The following CTNNA3 variants were observed in gnomAD, a reference collection of about 807,000 sequenced individuals.
CTNNA3 encodes catenin alpha-3.
CTNNA3 carries 76 observed loss-of-function variants against 95.7 expected under a neutral mutation model. That is an observed-to-expected ratio of 0.79 (90% CI 0.66 to 0.96). The LOEUF (loss-of-function observed/expected upper bound fraction) is 0.96, where lower values mean the gene tolerates loss of function less well. CTNNA3 is among the 40% of genes least tolerant of loss of function. The pLI is 0.00. For synonymous variants in CTNNA3, 431 were observed against 374.4 expected (o/e 1.15, Z -1.74); for missense variants, 1,191 against 1,089.8 (o/e 1.09, Z -1.31).
rs74670783 is a variant in CTNNA3 at position 66,295,760 on chromosome 10, G to A, written c.1733-15139C>T. Among the ~76,000 whole-genome samples, 379 of 152,180 alleles carry A rather than the reference G, an allele frequency of 2.5e-3. 3 individuals are homozygous for A. Among genetic ancestry groups the A allele is most frequent in the African/African-American group, 8.7e-3 (362 of 41,536 alleles). ...TAGCAGGTCACATATCTTAGTTACC[G>A]CTCAGGAAATAACCTGTCAGCACAT... On this transcript the variant is annotated intron_variant, in intron 12 of 17. Transcript: ENST00000433211.
intron 3 of CTNNA3, among the ~76,000 whole-genome samples, chr10:67,562,398 T>C (rs1281241078): frequency 2.0e-5 from 3 of 152,152 alleles, no homozygotes; most frequent in Admixed American, 6.5e-5. Context: ...CACATGATTA[T>C]CTTAATAGAT....
At chr10:66,121,492 A>G (rs2082571398) in intron 13 of CTNNA3, among the ~76,000 whole-genome samples, 1 of 151,928 alleles carries the variant, frequency 6.6e-6, no homozygotes. Context: ...ACTATCTTAT[A>G]TATACTAGCT....
At chr10:66,085,057 T>C (rs944269125) in intron 14 of CTNNA3, 1 of 152,058 alleles carries the variant, frequency 6.6e-6, no homozygotes, top group African/African-American at 2.4e-5. Context: ...TAAGGCAATA[T>C]GTGAAGAATT....
chr10:66,783,044 A>C (rs1271584615), intron 7 of CTNNA3, among the ~76,000 whole-genome samples: 1 of 152,140 alleles, frequency 6.6e-6, no homozygotes, highest in Non-Finnish European at 1.5e-5. Flanking sequence ...TCTGAACTCT[A>C]ACAGTGTGTG....
chr10:66,866,433 C>CT, intron 7 of CTNNA3, among the ~76,000 whole-genome samples: 1 of 152,290 alleles, frequency 6.6e-6, no homozygotes, highest in East Asian at 1.9e-4. Context: ...TTTTTGGAGG[C>CT]TTTTATTTTG....
chr10:66,448,428 A>G (rs550355611), intron 11 of CTNNA3, among the ~76,000 whole-genome samples: 1 of 152,332 alleles, frequency 6.6e-6, no homozygotes, highest in East Asian at 1.9e-4. Flanking sequence ...GAACCAACCC[A>G]AATGTCCAAC....
At chr10:66,707,738 T>C (rs1848162306) in intron 9 of CTNNA3, among the ~76,000 whole-genome samples, 1 of 152,100 alleles carries the variant, frequency 6.6e-6, no homozygotes, top group Admixed American at 6.6e-5. Flanking sequence ...AAAAGCAAGC[T>C]ACCTATTTCA....
intron 14 of CTNNA3, among the ~76,000 whole-genome samples, chr10:66,088,960 C>T (rs757114077): frequency 1.2e-4 from 18 of 151,990 alleles, no homozygotes; most frequent in Non-Finnish European, 1.5e-4. Flanking sequence ...TTGTGAAAAT[C>T]TATTTCTATG....
At chr10:67,706,444 T>C (rs1021046777) in intron 1 of CTNNA3, among the ~76,000 whole-genome samples, 2 of 152,070 alleles carry the variant, frequency 1.3e-5, no homozygotes, top group African/African-American at 2.4e-5. Context: ...TACTCAGTTA[T>C]ACCAGCCATA....
At chr10:66,550,101 A>T (rs1481134378) in intron 10 of CTNNA3, among the ~76,000 whole-genome samples, 3 of 152,130 alleles carry the variant, frequency 2.0e-5, no homozygotes, top group African/African-American at 7.2e-5. Context: ...TTTATGCTCC[A>T]TAAATTGAGG....
intron 7 of CTNNA3, among the ~76,000 whole-genome samples, chr10:67,070,639 T>C (rs1280326722): frequency 1.3e-5 from 2 of 151,340 alleles, no homozygotes; most frequent in Non-Finnish European, 3.0e-5. Flanking sequence ...CCCAGCTGCT[T>C]GGGAGGCTGA....
chr10:66,756,960 C>T (rs1168280491), intron 9 of CTNNA3, among the ~76,000 whole-genome samples: 2 of 152,064 alleles, frequency 1.3e-5, no homozygotes, highest in Admixed American at 6.6e-5. Flanking sequence ...TGTGTTTTTG[C>T]TTTAATTTTG....
At chr10:66,269,602 C>T (rs10997022) in intron 13 of CTNNA3, among the ~76,000 whole-genome samples, 4,630 of 152,172 alleles carry the variant, frequency 0.03, 109 homozygotes, top group South Asian at 0.089. Context: ...CAATATAAGA[C>T]AGTATAAAAC....
intron 9 of CTNNA3, among the ~76,000 whole-genome samples, chr10:66,649,427 A>G (rs1290792033): frequency 6.6e-6 from 1 of 152,184 alleles, no homozygotes; most frequent in Non-Finnish European, 1.5e-5. Context: ...TAAAGGTAAG[A>G]AGGACAGTTT....
intron 7 of CTNNA3, among the ~76,000 whole-genome samples, chr10:66,990,034 C>G (rs1486973050): frequency 6.6e-6 from 1 of 152,094 alleles, no homozygotes; most frequent in African/African-American, 2.4e-5. Flanking sequence ...CAATAATAAT[C>G]CTTGCATAAA....
At chr10:67,157,818 C>T (rs1040772507) in intron 7 of CTNNA3, among the ~76,000 whole-genome samples, 1 of 152,092 alleles carries the variant, frequency 6.6e-6, no homozygotes, top group African/African-American at 2.4e-5. Context: ...AAAAAAATCA[C>T]CCTGATCATC....
At chr10:66,058,395 A>G (rs1345232464) in intron 15 of CTNNA3, among the ~76,000 whole-genome samples, 1 of 152,162 alleles carries the variant, frequency 6.6e-6, no homozygotes, top group Non-Finnish European at 1.5e-5. Context: ...AGGGTACAAA[A>G]TAAGTTCAAC....
chr10:66,138,742 A>G (rs1260251053), intron 13 of CTNNA3, among the ~76,000 whole-genome samples: 1 of 152,152 alleles, frequency 6.6e-6, no homozygotes, highest in African/African-American at 2.4e-5. Flanking sequence ...ACCTGTAATC[A>G]CAATTACTTG....
At chr10:66,376,508 T>G (rs1417711343) in intron 12 of CTNNA3, among the ~76,000 whole-genome samples, 3 of 152,150 alleles carry the variant, frequency 2.0e-5, no homozygotes, top group Non-Finnish European at 4.4e-5. Flanking sequence ...ATCATCAAAT[T>G]TTGAAAATGT....
Sources: gnomAD v4.1 joint callset for allele counts (sites outside exome capture counted in the v4.1 genomes callset) on GRCh38, gnomAD v4.1.1 for gene constraint, MANE v1.5 for transcripts, NCBI Gene and HGNC (gene_info 2026-07-23, HGNC 2026-07-21) for gene names.